The following PDCD11 variants were observed in gnomAD, a reference collection of about 807,000 sequenced individuals.
PDCD11 encodes protein RRP5 homolog.
PDCD11 carries 97 observed loss-of-function variants against 198.9 expected under a neutral mutation model. The ratio of observed to expected loss-of-function variants is 0.49; its 90% CI spans 0.41 to 0.58. The LOEUF (loss-of-function observed/expected upper bound fraction) is 0.58, where lower values mean the gene tolerates loss of function less well. Among genes scored for constraint, PDCD11 ranks in the 20% least tolerant of loss-of-function variants. The pLI, the probability that PDCD11 is intolerant of heterozygous loss-of-function variation, is 0.00. For synonymous variants in PDCD11, 893 were observed against 918.0 expected, an observed-to-expected ratio of 0.97 and a Z score of 0.49; for missense variants, 2,102 against 2,312.7, an observed-to-expected ratio of 0.91 and a Z score of 1.87.
At chr10:103,421,667 A>T in intron 17 of PDCD11, 100 bp downstream of exon 17, 5 of 1,046,762 alleles carry the variant, frequency 4.8e-6, no homozygotes, top group Non-Finnish European at 6.9e-6. Flanking sequence ...CCAGAACATA[A>T]GAAAAAAAAA....
rs768646341 is a variant in PDCD11, at chr10:103,403,294, A to T, written c.402+9A>T. 1 of 1,605,640 alleles carries T rather than the reference A, an allele frequency of 6.2e-7. No individual in the cohort carries two copies. Among genetic ancestry groups the T allele is most frequent in the South Asian group, 1.1e-5 (1 of 89,568 alleles). ...AAGAACAACCTCTGAAGGTAAGGGA[A>T]ATCCGAATGAAGCCTGTTATTGAAA... On this transcript the variant is annotated intron_variant, in intron 4 of 35. Transcript: ENST00000369797.
intron 27 of PDCD11, among the ~76,000 whole-genome samples, chr10:103,439,062 C>T (rs2032271372): frequency 1.3e-5 from 2 of 152,248 alleles, no homozygotes; most frequent in South Asian, 2.1e-4. Context: ...TGGGGCCGGG[C>T]GTGGTGGCTC....
In PDCD11 at chr10:103,425,254, A is replaced by T. The variant is rs150905850; in HGVS notation, c.3034A>T (p.Thr1012Ser). The stretch of plus-strand genomic sequence containing the variant: ...GAGGCCGACCCAGAAGGACTCTGAG[A>T]CAGTTGATGAGGATGAAGAAGTGGA... ...TMRPTQKDSE[T>S]VDEDEEVDPA... Residue 1012 changes from threonine to serine, a missense_variant, in exon 20 of 36, where the codon ACA becomes TCA. By Grantham distance (58) the Thr-to-Ser change is moderately conservative. Coordinates refer to ENST00000369797, the MANE Select transcript of PDCD11 (RefSeq NM_014976.2). The T allele has an allele frequency of 5.8e-4, 933 of 1,614,126 alleles. 3 individuals are homozygous for T. Among genetic ancestry groups the T allele is most frequent in the Middle Eastern group, 2.8e-3 (17 of 6,062 alleles).
rs1169226968 is a variant in PDCD11 at position 103,425,481 on chromosome 10, G to A, written c.3261G>A (p.Thr1087=). 1.1e-5 allele frequency: 17 copies of A among 1,613,648 alleles called. No homozygotes were observed. Among genetic ancestry groups the A allele is most frequent in the South Asian group, 2.2e-5 (2 of 91,074 alleles). ...SPTTKLKVGK[T]VTARVIGGRD... Reference sequence around the variant, plus strand: ...CTACCAAGCTGAAGGTTGGGAAGACGGTCACTGCCCGAGTGATTGGCGGGC... The same window carrying A: ...CTACCAAGCTGAAGGTTGGGAAGACAGTCACTGCCCGAGTGATTGGCGGGC... The change falls in exon 20 of 36, where the codon ACG becomes ACA. Residue 1087 remains threonine (T), a synonymous_variant. Coordinates refer to ENST00000369797, the MANE Select transcript of PDCD11 (RefSeq NM_014976.2).
At chr10:103,429,962 G>C (rs2031860087) in intron 21 of PDCD11, among the ~76,000 whole-genome samples, 1 of 152,082 alleles carries the variant, frequency 6.6e-6, no homozygotes, top group Admixed American at 6.6e-5. Flanking sequence ...CCATTTTGCA[G>C]CATGTGTCAG....
chr10:103,433,461 C>T (rs1471236291), intron 22 of PDCD11, among the ~76,000 whole-genome samples: 1 of 152,094 alleles, frequency 6.6e-6, no homozygotes, highest in Non-Finnish European at 1.5e-5. Flanking sequence ...TGCCGCCACA[C>T]ACTCCAGCCT....
At chr10:103,443,721 C>T (rs1003106113) in intron 33 of PDCD11, among the ~76,000 whole-genome samples, 194 bp from the exon 34 acceptor site, 5 of 152,224 alleles carry the variant, frequency 3.3e-5, no homozygotes, top group South Asian at 2.1e-4. Flanking sequence ...GAATCCCCTC[C>T]GTCGTGTTGT....
chr10:103,409,312 C>CA (rs2030651607), intron 7 of PDCD11, among the ~76,000 whole-genome samples: 1 of 141,382 alleles, frequency 7.1e-6, no homozygotes, highest in African/African-American at 2.5e-5. Flanking sequence ...TTTGCAAGCC[C>CA]TTTTTTTTTT....
In PDCD11 at chr10:103,415,011, G is replaced by A. The variant is rs779814917; in HGVS notation, c.1378G>A (p.Val460Met). Residue 460 changes from valine (V) to methionine (M), a missense_variant, in exon 12 of 36, where the codon GTG (valine) becomes ATG (methionine). Coordinates refer to ENST00000369797, the MANE Select transcript of PDCD11 (RefSeq NM_014976.2). Reference sequence around the variant, plus strand: ...TTATCTTTGGATTCTCTAGGGCACAGTGCTAACCATAAAGTCATATGGGAT... The same window carrying A: ...TTATCTTTGGATTCTCTAGGGCACAATGCTAACCATAAAGTCATATGGGAT... Reference protein sequence around the residue: ...IEPGAVVKGTVLTIKSYGMLV... With the variant: ...IEPGAVVKGTMLTIKSYGMLV... 2 of 1,614,170 alleles carry A rather than the reference G, an allele frequency of 1.2e-6. No individual in the cohort carries two copies. The highest frequency in any genetic ancestry group is 2.2e-5 in the East Asian group (1 of 44,888).
Position 103,440,467 on chromosome 10 carries a change from G to C in PDCD11, c.4326G>C (p.Lys1442Asn). 1 of 1,614,074 alleles carries C rather than the reference G, an allele frequency of 6.2e-7. No homozygotes were observed. The highest frequency in any genetic ancestry group is 8.5e-7 in the Non-Finnish European group (1 of 1,179,974). The change falls in exon 29 of 36, where the codon AAG becomes AAC. Residue 1442 changes from lysine (K) to asparagine (N), a missense_variant. Coordinates refer to ENST00000369797, the MANE Select transcript of PDCD11 (RefSeq NM_014976.2). Reference sequence around the variant, plus strand: ...AAAATCAGAAAAGGAACGAGAAGAAGAACCAGAAGGGGCAGGAGGAGGTGG... The same window carrying C: ...AAAATCAGAAAAGGAACGAGAAGAACAACCAGAAGGGGCAGGAGGAGGTGG... ...EKKNQKRNEKKNQKGQEEVEM... is the reference protein window; with the variant it reads ...EKKNQKRNEKNNQKGQEEVEM...
chr10:103,407,030 A>G (rs953686049), intron 7 of PDCD11, among the ~76,000 whole-genome samples: 2 of 152,240 alleles, frequency 1.3e-5, no homozygotes, highest in African/African-American at 4.8e-5. Flanking sequence ...GACTGCTAGA[A>G]AACTTAAAAT....
chr10:103,426,583 T>C (rs550700996), intron 20 of PDCD11, among the ~76,000 whole-genome samples: 2 of 152,026 alleles, frequency 1.3e-5, no homozygotes, highest in African/African-American at 2.4e-5. Context: ...TCACCTGAGA[T>C]CAGGAGTTCA....
chr10:103,442,361 C>T lies in PDCD11; in HGVS notation c.4856C>T (p.Ser1619Phe). 6.2e-7 allele frequency: 1 copy of T among 1,614,256 alleles called. No homozygotes were observed. The highest frequency in any genetic ancestry group is 8.5e-7 in the Non-Finnish European group (1 of 1,180,048). Residue 1619 changes from serine (S) to phenylalanine (F), a missense_variant, in exon 32 of 36, where the codon TCC (serine) becomes TTC (phenylalanine). Transcript: ENST00000369797. The stretch of plus-strand genomic sequence containing the variant: ...CTGGTGCTGAGCTCCCCCAACAGCT[C>T]CATTCTGTGGCTGCAGTACATGGCT... ...DRLVLSSPNS[S>F]ILWLQYMAFH...
chr10:103,440,508 A>G lies in PDCD11; in HGVS notation c.4367A>G (p.Glu1456Gly), dbSNP rs1339961634. Residue 1456 changes from glutamate (E) to glycine (G), a missense_variant, in exon 29 of 36, where the codon GAG (glutamate) becomes GGG (glycine). Transcript: ENST00000369797. Reference protein sequence around the residue: ...GQEEVEMPSKEKQQPQKPQAQ... With the variant: ...GQEEVEMPSKGKQQPQKPQAQ... Reference sequence around the variant, plus strand: ...GAGGAGGTGGAGATGCCCAGCAAGGAGAAGCAACAGCCCCAGAAGCCACAG... The same window carrying G: ...GAGGAGGTGGAGATGCCCAGCAAGGGGAAGCAACAGCCCCAGAAGCCACAG... 1 of 1,613,618 alleles carries G rather than the reference A, an allele frequency of 6.2e-7. No individual in the cohort carries two copies. Among genetic ancestry groups the G allele is most frequent in the Non-Finnish European group, 8.5e-7 (1 of 1,179,986 alleles).
At chr10:103,413,658 G>A (rs192263286) in intron 9 of PDCD11, among the ~76,000 whole-genome samples, 19 of 152,284 alleles carry the variant, frequency 1.2e-4, no homozygotes, top group African/African-American at 4.6e-4. Context: ...CAACGCTGCT[G>A]TTATGGCATG....
In PDCD11 at chr10:103,445,637, A is replaced by G. The variant is rs1287866264; in HGVS notation, c.*88A>G. On this transcript the variant is annotated 3_prime_UTR_variant, in exon 36 of 36. Coordinates refer to ENST00000369797, the MANE Select transcript of PDCD11 (RefSeq NM_014976.2). The stretch of plus-strand genomic sequence containing the variant: ...TGGGCACTCGGAAAACTGTTACCTC[A>G]GGACTCTATTTAAATGCTGCTTTTT... The G allele has an allele frequency of 2.8e-6, 3 of 1,085,612 alleles. No homozygotes were observed. The highest frequency in any genetic ancestry group is 2.5e-5 in the East Asian group (1 of 39,836). The allele number at this position is 1,085,612 out of a possible 1,614,324, so 67.2% of individuals were successfully genotyped here.
At chr10:103,401,284 T>C (rs972910424) in intron 3 of PDCD11, among the ~76,000 whole-genome samples, 4 of 152,166 alleles carry the variant, frequency 2.6e-5, no homozygotes, top group Admixed American at 6.5e-5. Context: ...ATTTATTTAT[T>C]TATTTTGAGA....
At position 103,434,863 on chromosome 10, in the gene PDCD11, G is replaced by C; in HGVS notation, c.3733G>C (p.Gly1245Arg). ...AGTGGTGAAGGTGACTCCCAACGAG[G>C]GGCTGACCGTCTCCTTCCCCTTTGG... is the stretch of plus-strand genomic sequence containing the variant. Reference protein sequence around the residue: ...GRVVKVTPNEGLTVSFPFGKI... With the variant: ...GRVVKVTPNERLTVSFPFGKI... The change falls in exon 25 of 36, where the codon GGG becomes CGG. Residue 1245 changes from glycine to arginine, a missense_variant. By Grantham distance (125) the Gly-to-Arg change is moderately radical. Coordinates refer to ENST00000369797, the MANE Select transcript of PDCD11 (RefSeq NM_014976.2). 6.2e-7 allele frequency: 1 copy of C among 1,613,036 alleles called. No individual in the cohort carries two copies. The highest frequency in any genetic ancestry group is 8.5e-7 in the Non-Finnish European group (1 of 1,179,570).
intron 11 of PDCD11, among the ~76,000 whole-genome samples, chr10:103,414,673 C>T (rs980572501): frequency 2.6e-5 from 4 of 152,140 alleles, no homozygotes; most frequent in African/African-American, 7.2e-5. Flanking sequence ...CTGTCCTGTC[C>T]GACCATTTGG....
Sources: allele counts gnomAD v4.1 joint callset (sites outside exome capture counted in the v4.1 genomes callset), GRCh38; gene constraint gnomAD v4.1.1; transcripts MANE v1.5; gene names NCBI Gene and HGNC (gene_info 2026-07-23, HGNC 2026-07-21).